Variants in ITFG2 observed in about 807,000 individuals in gnomAD.
The protein encoded by ITFG2 is KICSTOR complex protein ITFG2.
ITFG2 carries 36 observed loss-of-function variants against 54.4 expected under a neutral mutation model. The ratio of observed to expected loss-of-function variants is 0.66; its 90% confidence interval spans 0.51 to 0.87. The LOEUF is 0.87. ITFG2 is among the 40% of genes least tolerant of loss of function. The probability of loss-of-function intolerance (pLI) is 0.00; values close to 1 mark genes in which losing one functional copy is unlikely to be tolerated. For missense variants in ITFG2, 524 were observed against 576.7 expected (o/e 0.91, Z 0.94); for synonymous variants, 211 against 225.4 (o/e 0.94, Z 0.57).
Position 2,825,059 on chromosome 12 carries a change from A to C in ITFG2, c.*866A>C, listed in dbSNP as rs972049635. ...AATAGGTAGAATAGAATAAAGTAAAATAGAAAATAGCAGAGTACATTGCTC... is the reference window on the plus strand; with the variant it reads ...AATAGGTAGAATAGAATAAAGTAAACTAGAAAATAGCAGAGTACATTGCTC... On this transcript the variant is annotated 3_prime_UTR_variant, in exon 12 of 12. Coordinates refer to ENST00000228799, the MANE Select transcript of ITFG2 (RefSeq NM_018463.4). 6 of 152,378 alleles carry C rather than the reference A, an allele frequency of 3.9e-5. No individual in the cohort carries two copies. The highest frequency in any genetic ancestry group is 1.4e-4 in the African/African-American group (6 of 41,586). 9.4% of individuals were successfully genotyped at this position (152,378 alleles called of 1,614,324 possible).
chr12:2,839,811 G>A (rs920401817), intron 1 of ITFG2, among the ~76,000 whole-genome samples: 5 of 152,208 alleles, frequency 3.3e-5, no homozygotes, highest in African/African-American at 1.2e-4. Context: ...CAGCAACATG[G>A]ATGCAGTTGG....
chr12:2,828,371 T>TA, downstream of ITFG2: 1 of 1,614,166 alleles, frequency 6.2e-7, no homozygotes, highest in South Asian at 1.1e-5. Flanking sequence ...CCGATTGTAT[T>TA]GGGTGCCTGT....
chr12:2,832,794 G>A (rs983695836), upstream of ITFG2, among the ~76,000 whole-genome samples: 2 of 149,488 alleles, frequency 1.3e-5, no homozygotes, highest in African/African-American at 5.0e-5. Context: ...TCTTCCCCCA[G>A]GCTCTATGCA....
At chr12:2,838,156 G>T (rs2098033046) in intron 1 of ITFG2, among the ~76,000 whole-genome samples, 3 of 152,106 alleles carry the variant, frequency 2.0e-5, no homozygotes, top group Admixed American at 2.0e-4. Context: ...GTTTTGCTGG[G>T]TTCCTGTAGT....
intron 2 of ITFG2, chr12:2,854,785 TG>T: frequency 8.6e-7 from 1 of 1,158,680 alleles, no homozygotes; most frequent in Non-Finnish European, 1.2e-6. Flanking sequence ...GGTTTTCAGA[TG>T]GCCAGAGCGG....
Position 2,817,967 on chromosome 12 carries a change from A to C in ITFG2, c.234+17A>C, listed in dbSNP as rs201264243. 1.2e-6 allele frequency: 2 copies of C among 1,612,960 alleles called. No homozygotes were observed. Among genetic ancestry groups the C allele is most frequent in the Non-Finnish European group, 1.7e-6 (2 of 1,179,462 alleles). ...AAAGGAAAGGTAAGAACTATAGGGGACCTTCCTTGGTTCTTAGCTCACAGT... is the reference window on the plus strand; with the variant it reads ...AAAGGAAAGGTAAGAACTATAGGGGCCCTTCCTTGGTTCTTAGCTCACAGT... On this transcript the variant is annotated intron_variant, in intron 3 of 11. Transcript: ENST00000228799.
rs188265039 is a variant in ITFG2 at position 2,812,858 on chromosome 12, T to G, written c.96+2T>G. ...CTCGGAGACGTTGATAACGATACGGTAGGTGCATGCGCACCGCAAGAGACA... is the reference window on the plus strand; with the variant it reads ...CTCGGAGACGTTGATAACGATACGGGAGGTGCATGCGCACCGCAAGAGACA... On this transcript the variant is annotated splice_donor_variant, in intron 1 of 11. Transcript: ENST00000228799. LOFTEE classifies it high-confidence loss of function. 1.9e-6 allele frequency: 3 copies of G among 1,607,942 alleles called. No individual in the cohort carries two copies. In the Admixed American group the frequency reaches 5.0e-5, roughly 27 times the overall value.
chr12:2,851,363 AT>A (rs1348714183), intron 2 of ITFG2, among the ~76,000 whole-genome samples: 4 of 152,046 alleles, frequency 2.6e-5, no homozygotes, highest in African/African-American at 4.8e-5. Context: ...TTATTTTGAG[AT>A]GGAGTCTGAC....
chr12:2,812,701 C>T lies in ITFG2; in HGVS notation c.-60C>T. The T allele has an allele frequency of 1.4e-6, 2 of 1,477,682 alleles. No homozygotes were observed. Among genetic ancestry groups the T allele is most frequent in the Admixed American group, 1.7e-5 (1 of 58,910 alleles). The allele number at this position is 1,477,682 out of a possible 1,614,324, so 91.5% of individuals were successfully genotyped here. On this transcript the variant is annotated 5_prime_UTR_variant, in exon 1 of 12. Transcript: ENST00000228799. ...TGGCCTTCCGCTCTGGCGGCTGTCG[C>T]GACGGGGGTTCAGGGAATATTTACT...
intron 2 of ITFG2, among the ~76,000 whole-genome samples, chr12:2,854,085 G>A (rs778990466): frequency 1.6e-4 from 25 of 152,164 alleles, no homozygotes; most frequent in Middle Eastern, 3.2e-3. Flanking sequence ...GAGTGCAATG[G>A]CACCATCTTG....
chr12:2,820,860 C>T lies in ITFG2; in HGVS notation c.683C>T (p.Thr228Met), dbSNP rs775781549. 8 of 1,613,776 alleles carry T rather than the reference C, an allele frequency of 5.0e-6. No homozygotes were observed. The highest frequency in any genetic ancestry group is 1.7e-5 in the Admixed American group (1 of 59,986). ...TCCCCTCCTGCCTCTGAAGGGCCCA[C>T]GGATGGTAGTAGGTAAGGGGGTACA... ...TGSPPASEGP[T>M]DGSRETPAAR... is the part of the protein sequence containing the mutation. The change falls in exon 6 of 12, where the codon ACG becomes ATG. Residue 228 changes from threonine (T) to methionine (M), a missense_variant. Coordinates refer to ENST00000228799, the MANE Select transcript of ITFG2 (RefSeq NM_018463.4).
chr12:2,839,990 TC>T (rs1471938335), intron 1 of ITFG2, among the ~76,000 whole-genome samples: 2 of 151,912 alleles, frequency 1.3e-5, no homozygotes, highest in East Asian at 3.9e-4. Context: ...CTGAAGAACT[TC>T]CTGTTGGGTA....
rs1315667351 is a variant in ITFG2, at chr12:2,859,553, G to T, written n.640G>T. On this transcript the variant is annotated non_coding_transcript_exon_variant, in exon 4 of 4. Coordinates refer to the ITFG2 transcript ENST00000537710. ...CCCCAGGCTGGATTTCTTCCTCCTT[G>T]ATAGTCTGAACTGGAAGCAAAGGAG... is the stretch of plus-strand genomic sequence containing the variant. 1.9e-6 allele frequency: 3 copies of T among 1,613,894 alleles called. No homozygotes were observed. In the African/African-American group the frequency reaches 4.0e-5, roughly 22 times the overall value.
Position 2,855,635 on chromosome 12 carries a change from A to G in ITFG2, n.301-2377A>G, listed in dbSNP as rs2098084912. Among the ~76,000 whole-genome samples, 3 of 152,152 alleles carry G rather than the reference A, an allele frequency of 2.0e-5. No individual in the cohort carries two copies. In the South Asian group the frequency reaches 6.2e-4, roughly 32 times the overall value. On this transcript the variant is annotated intron_variant and non_coding_transcript_variant, in intron 2 of 3. Coordinates refer to the ITFG2 transcript ENST00000537710. Reference sequence around the variant, plus strand: ...CCGGCGGAAGTTATGGCTGCTGCGTATCATCTTCACAGTCACTCATCTTTT... The same window carrying G: ...CCGGCGGAAGTTATGGCTGCTGCGTGTCATCTTCACAGTCACTCATCTTTT...
intron 1 of ITFG2, among the ~76,000 whole-genome samples, chr12:2,840,080 G>A (rs1383447687): frequency 3.9e-4 from 57 of 145,262 alleles, no homozygotes; most frequent in South Asian, 4.4e-4. Flanking sequence ...TAACAAACCC[G>A]CACATGTGCC....
At chr12:2,854,813 G>C (rs537808760) in intron 2 of ITFG2, 2 of 1,374,252 alleles carry the variant, frequency 1.5e-6, no homozygotes, top group South Asian at 1.5e-5. Context: ...ACAGAGTCCC[G>C]GTTAGAAACA....
chr12:2,812,881 A>G, intron 1 of ITFG2, 25 bp downstream of exon 1: 1 of 1,587,642 alleles, frequency 6.3e-7, no homozygotes, highest in Non-Finnish European at 8.6e-7. Context: ...ACCGCAAGAG[A>G]CAGCCTGGAT....
chr12:2,853,018 A>AC (rs201093503), intron 2 of ITFG2, among the ~76,000 whole-genome samples: 64 of 151,074 alleles, frequency 4.2e-4, no homozygotes, highest in African/African-American at 1.4e-3. Flanking sequence ...AGAAACAACA[A>AC]AAAAAAACGG....
At chr12:2,847,274 T>C (rs1046519406) in intron 2 of ITFG2, among the ~76,000 whole-genome samples, 1 of 152,182 alleles carries the variant, frequency 6.6e-6, no homozygotes, top group African/African-American at 2.4e-5. Context: ...TGGCATGAGG[T>C]GGTCCCTTCC....
Sources: gnomAD v4.1 joint callset for allele counts (sites outside exome capture counted in the v4.1 genomes callset) on GRCh38, gnomAD v4.1.1 for gene constraint, MANE v1.5 for transcripts, NCBI Gene and HGNC (gene_info 2026-07-23, HGNC 2026-07-21) for gene names.